The following MYO1E variants were observed in gnomAD, a reference collection of about 807,000 sequenced individuals.
The protein encoded by MYO1E is myosin IE, also known as unconventional myosin-Ie.
MYO1E carries 68 observed loss-of-function variants against 151.1 expected under a neutral mutation model. The observed-to-expected ratio is 0.45, with a 90% CI of 0.37 to 0.55. The LOEUF (loss-of-function observed/expected upper bound fraction) is 0.55. MYO1E is among the 20% of genes least tolerant of loss of function. The pLI is 0.00. For synonymous variants in MYO1E, 601 were observed against 501.7 expected (o/e 1.20, Z -2.64); for missense variants, 1,363 against 1,389.3 (o/e 0.98, Z 0.30).
At position 59,306,020 on chromosome 15, in the gene MYO1E, A is replaced by G. The variant is rs114285688; in HGVS notation, c.4-33571T>C. On this transcript the variant is annotated intron_variant, in intron 1 of 27. Coordinates refer to ENST00000288235, the MANE Select transcript of MYO1E (RefSeq NM_004998.4). ...AATGTTAAGTGGGAGAGAAATAAACACATGCCACAGTAACAACCAATAAAA... is the reference window on the plus strand; with the variant it reads ...AATGTTAAGTGGGAGAGAAATAAACGCATGCCACAGTAACAACCAATAAAA... Among the ~76,000 whole-genome samples, 341 of 152,310 alleles carry G rather than the reference A, an allele frequency of 2.2e-3. 1 individual carries two copies. Among genetic ancestry groups the G allele is most frequent in the African/African-American group, 7.5e-3 (313 of 41,570 alleles).
chr15:59,209,667 C>A (rs1463570751), intron 13 of MYO1E, among the ~76,000 whole-genome samples: 1 of 151,516 alleles, frequency 6.6e-6, no homozygotes, highest in Admixed American at 6.6e-5. Context: ...CCGAGCGAGA[C>A]GTCTCTCAAA....
At chr15:59,137,536 C>T in intron 27 of MYO1E, 80 bp from the exon 28 acceptor site, 1 of 1,165,052 alleles carries the variant, frequency 8.6e-7, no homozygotes, top group Non-Finnish European at 1.3e-6. Context: ...CTCCCATGGG[C>T]TCAAGTGATT....
At chr15:59,226,996 C>G (rs1163738310) in intron 7 of MYO1E, among the ~76,000 whole-genome samples, 1 of 152,202 alleles carries the variant, frequency 6.6e-6, no homozygotes, top group East Asian at 1.9e-4. Flanking sequence ...CGGTAGCTCA[C>G]GTTCTGGAGA....
At chr15:59,144,838 A>T (rs2079431923) in intron 26 of MYO1E, among the ~76,000 whole-genome samples, 1 of 151,540 alleles carries the variant, frequency 6.6e-6, no homozygotes, top group Admixed American at 6.6e-5. Flanking sequence ...ATGAGAAGAA[A>T]GAATGACTTT....
chr15:59,315,678 G>C (rs1179376742), intron 1 of MYO1E, among the ~76,000 whole-genome samples: 1 of 152,058 alleles, frequency 6.6e-6, no homozygotes, highest in African/African-American at 2.4e-5. Context: ...TCATCAGACT[G>C]TGAGGAAGAT....
chr15:59,223,325 A>G (rs1194510834), intron 8 of MYO1E, 134 bp from the exon 9 acceptor site: 1 of 1,180,446 alleles, frequency 8.5e-7, no homozygotes, highest in Non-Finnish European at 1.2e-6. Context: ...GAAAAAAAAA[A>G]AAAAAAGCCA....
intron 4 of MYO1E, among the ~76,000 whole-genome samples, chr15:59,250,081 G>C (rs1264847358): frequency 6.7e-6 from 1 of 148,520 alleles, no homozygotes; most frequent in Non-Finnish European, 1.5e-5. Context: ...ACAAACCACA[G>C]CCCTGGTGCA....
chr15:59,293,830 C>T (rs1383752252), intron 1 of MYO1E, among the ~76,000 whole-genome samples: 1 of 151,932 alleles, frequency 6.6e-6, no homozygotes, highest in African/African-American at 2.4e-5. Flanking sequence ...ATCACTTGAG[C>T]CTAGGAGTTT....
chr15:59,234,318 A>C (rs1264842468), intron 5 of MYO1E, among the ~76,000 whole-genome samples: 1 of 152,142 alleles, frequency 6.6e-6, no homozygotes, highest in Non-Finnish European at 1.5e-5. Context: ...AAATATTCTC[A>C]GTTTTAAAGT....
intron 26 of MYO1E, among the ~76,000 whole-genome samples, chr15:59,142,668 A>T (rs1281591751): frequency 6.6e-6 from 1 of 151,646 alleles, no homozygotes; most frequent in African/African-American, 2.4e-5. Flanking sequence ...GCGCCTACAG[A>T]CTCTGCCAGG....
chr15:59,169,640 C>A (rs2079580615), intron 22 of MYO1E, among the ~76,000 whole-genome samples: 1 of 151,834 alleles, frequency 6.6e-6, no homozygotes, highest in African/African-American at 2.4e-5. Flanking sequence ...AAAGGAAAGA[C>A]CGCAAGAAAG....
intron 1 of MYO1E, among the ~76,000 whole-genome samples, chr15:59,277,826 T>C (rs140021727): frequency 6.6e-5 from 10 of 152,218 alleles, no homozygotes; most frequent in Admixed American, 4.6e-4. Context: ...GAGTAGTCAA[T>C]ATGTGGAATA....
intron 1 of MYO1E, among the ~76,000 whole-genome samples, chr15:59,317,487 C>T (rs758308575): frequency 2.0e-5 from 3 of 151,656 alleles, no homozygotes; most frequent in Non-Finnish European, 2.9e-5. Flanking sequence ...ACAGCAGCAA[C>T]AAGAGACCTC....
At chr15:59,241,301 G>T (rs193023187) in intron 4 of MYO1E, among the ~76,000 whole-genome samples, 1 of 152,124 alleles carries the variant, frequency 6.6e-6, no homozygotes, top group Admixed American at 6.6e-5. Context: ...TGGAGAACCA[G>T]CCTTAGCAAA....
chr15:59,181,109 G>C (rs1250515519), intron 18 of MYO1E, among the ~76,000 whole-genome samples: 11 of 152,052 alleles, frequency 7.2e-5, no homozygotes, highest in African/African-American at 2.7e-4. Flanking sequence ...CATCCTGGCA[G>C]CCAGGAGAAC....
At chr15:59,255,913 C>T (rs1217179690) in intron 4 of MYO1E, among the ~76,000 whole-genome samples, 2 of 152,124 alleles carry the variant, frequency 1.3e-5, no homozygotes, top group African/African-American at 2.4e-5. Flanking sequence ...TGGCAATTAC[C>T]AGTAATCTTC....
At chr15:59,349,435 C>A (rs2080811849) in intron 1 of MYO1E, among the ~76,000 whole-genome samples, 1 of 152,100 alleles carries the variant, frequency 6.6e-6, no homozygotes, top group South Asian at 2.1e-4. Context: ...TATTAGCAAT[C>A]TACCATATAA....
intron 1 of MYO1E, among the ~76,000 whole-genome samples, chr15:59,290,644 A>G (rs968206400): frequency 3.3e-5 from 5 of 152,254 alleles, no homozygotes; most frequent in African/African-American, 1.2e-4. Context: ...ACGGTGCCTC[A>G]GCACAATCAG....
At chr15:59,261,043 G>A (rs528243861) in intron 3 of MYO1E, among the ~76,000 whole-genome samples, 1 of 151,880 alleles carries the variant, frequency 6.6e-6, no homozygotes, top group African/African-American at 2.4e-5. Flanking sequence ...GTGAAATACC[G>A]TCTCTACTAA....
Sources: allele counts gnomAD v4.1 joint callset (sites outside exome capture counted in the v4.1 genomes callset), GRCh38; gene constraint gnomAD v4.1.1; transcripts MANE v1.5; gene names NCBI Gene and HGNC (gene_info 2026-07-23, HGNC 2026-07-21).